Variants in CELF2 observed in about 807,000 individuals in gnomAD.
CELF2 encodes CUG triplet repeat RNA-binding protein 2.
Under a neutral mutation model 62.6 loss-of-function variants are expected in CELF2, and 8 were observed. That is an observed-to-expected ratio of 0.13 (90% CI 0.07 to 0.23). The LOEUF (loss-of-function observed/expected upper bound fraction) is 0.23. Ranked by LOEUF, CELF2 falls within the 10% of genes least tolerant of loss-of-function variation. The probability of loss-of-function intolerance (pLI) is 1.00; values close to 1 mark genes in which losing one functional copy is unlikely to be tolerated. For synonymous variants in CELF2, 258 were observed against 250.0 expected (o/e 1.03, Z -0.30); for missense variants, 333 against 671.0 (o/e 0.50, Z 5.56).
intron 1 of CELF2, among the ~76,000 whole-genome samples, chr10:11,090,128 G>A (rs1387813636): frequency 6.6e-6 from 1 of 150,954 alleles, no homozygotes. Flanking sequence ...TCAGCATCAC[G>A]CAATATACCC....
At chr10:10,801,865 A>G (rs917904921) in intron 1 of CELF2, among the ~76,000 whole-genome samples, 2 of 152,230 alleles carry the variant, frequency 1.3e-5, no homozygotes, top group African/African-American at 4.8e-5. Flanking sequence ...GCAGTGCACA[A>G]TTTCAGGTTA....
intron 2 of CELF2, among the ~76,000 whole-genome samples, chr10:11,000,226 T>C (rs1348518741): frequency 6.6e-6 from 1 of 152,176 alleles, no homozygotes; most frequent in Admixed American, 6.5e-5. Flanking sequence ...GGGAAATGTT[T>C]TCCTTTCTTC....
chr10:10,920,315 T>C (rs1421772401), intron 2 of CELF2, among the ~76,000 whole-genome samples: 1 of 152,220 alleles, frequency 6.6e-6, no homozygotes, highest in East Asian at 1.9e-4. Context: ...TCCTTTATTA[T>C]GTTCACGGGA....
chr10:10,984,685 G>T (rs953437390), intron 2 of CELF2, among the ~76,000 whole-genome samples: 18 of 152,080 alleles, frequency 1.2e-4, no homozygotes, highest in African/African-American at 4.1e-4. Flanking sequence ...GGACATCATG[G>T]TTTCATTACA....
chr10:10,616,269 C>T, the CELF2 span, among the ~76,000 whole-genome samples: 1 of 151,442 alleles, frequency 6.6e-6, no homozygotes, highest in Non-Finnish European at 1.5e-5. Context: ...AATGAAAGCA[C>T]TAGTACTCTC....
At chr10:10,878,467 C>T (rs200788877) in intron 1 of CELF2, among the ~76,000 whole-genome samples, 3 of 152,192 alleles carry the variant, frequency 2.0e-5, no homozygotes, top group Non-Finnish European at 1.5e-5. Flanking sequence ...TGTGCCACGA[C>T]GCAATTGTCT....
rs2062435709 is a variant in CELF2, at chr10:10,894,983, G to A, written c.54-24981G>A. ...ATAATAATATGAGTCCGTATTCATT[G>A]AGAATCAAATGTGCTAGCTACTATA... On this transcript the variant is annotated intron_variant, in intron 1 of 13. Coordinates refer to the CELF2 transcript ENST00000636488. Among the ~76,000 whole-genome samples the A allele has an allele frequency of 2.0e-5, 3 of 152,182 alleles. No homozygotes were observed. The South Asian group carries it at 6.2e-4, about 32-fold the overall frequency.
In CELF2 at chr10:11,244,228, A is replaced by G. The variant is rs1048111393; in HGVS notation, c.355-4925A>G. On this transcript the variant is annotated intron_variant, in intron 3 of 12. Transcript: ENST00000633077. This position sits in a 1 kb window ranked among gnomAD's most constrained non-coding sequence, Gnocchi z 4.2. ...CTGGCTGCCGCCTGTCCTGGCACCT[A>G]GGGAAGATTTCATTCAGGAGTGAGT... Among the ~76,000 whole-genome samples, 36 of 152,268 alleles carry G rather than the reference A, an allele frequency of 2.4e-4. 1 individual carries two copies. The highest frequency in any genetic ancestry group is 1.5e-4 in the Non-Finnish European group (10 of 68,048).
chr10:11,277,839 C>T (rs899283962), intron 8 of CELF2, among the ~76,000 whole-genome samples: 3 of 152,196 alleles, frequency 2.0e-5, no homozygotes, highest in African/African-American at 7.2e-5. Flanking sequence ...GTGATTGATA[C>T]TGTGTCCTAC....
Position 10,885,480 on chromosome 10 carries a change from T to C in CELF2, c.54-34484T>C, listed in dbSNP as rs901636874. 2.0e-5 allele frequency among the ~76,000 whole-genome samples: 3 copies of C among 151,764 alleles called. No individual in the cohort carries two copies. The East Asian group carries it at 5.9e-4, about 30-fold the overall frequency. On this transcript the variant is annotated intron_variant, in intron 1 of 13. Coordinates refer to the CELF2 transcript ENST00000636488. ...GACAAGAATTTATTGTGATGAACTG[T>C]ATAACAAACCTCCTCTGACTTCCTG...
In CELF2 at chr10:11,202,147, A is replaced by G. The variant is rs368296026; in HGVS notation, c.272-15278A>G. Among the ~76,000 whole-genome samples the G allele has an allele frequency of 3.9e-5, 6 of 152,216 alleles. No homozygotes were observed. In the East Asian group the frequency reaches 7.7e-4, roughly 20 times the overall value. On this transcript the variant is annotated intron_variant, in intron 2 of 12. Transcript: ENST00000633077. ...ACTCATTTTGACAGATGGTGATTCTATGGTTTATATCAACTACTTGGAATT... is the reference window on the plus strand; with the variant it reads ...ACTCATTTTGACAGATGGTGATTCTGTGGTTTATATCAACTACTTGGAATT...
chr10:10,503,453 A>G, the CELF2 span, among the ~76,000 whole-genome samples: 2 of 151,768 alleles, frequency 1.3e-5, no homozygotes, highest in African/African-American at 4.8e-5. Flanking sequence ...TGGTAGATTG[A>G]CCTTTTGTCA....
rs375640904 is a variant in CELF2, at chr10:11,048,789, A to G, written c.74+30626A>G. Reference sequence around the variant, plus strand: ...TCTTATTCACTGACTGTAATTACAAATGTAGGTGTATGAATTAGTTGGTTA... The same window carrying G: ...TCTTATTCACTGACTGTAATTACAAGTGTAGGTGTATGAATTAGTTGGTTA... On this transcript the variant is annotated intron_variant, in intron 1 of 12. Coordinates refer to ENST00000633077, the MANE Select transcript of CELF2 (RefSeq NM_001326342.2). Among the ~76,000 whole-genome samples the G allele has an allele frequency of 5.9e-5, 9 of 152,344 alleles. 2 individuals carry two copies. The East Asian group carries it at 1.7e-3, about 29-fold the overall frequency.
At chr10:10,512,933 C>A in the CELF2 span, among the ~76,000 whole-genome samples, 1 of 152,150 alleles carries the variant, frequency 6.6e-6, no homozygotes, top group Non-Finnish European at 1.5e-5. Context: ...TGATTTTAGC[C>A]CACTGCTTTA....
the CELF2 span, among the ~76,000 whole-genome samples, chr10:10,601,415 C>G: frequency 3.3e-5 from 5 of 152,148 alleles, no homozygotes; most frequent in African/African-American, 9.7e-5. Context: ...AGGATTTAAT[C>G]TGGAGATCTA....
At chr10:10,687,657 T>C in the CELF2 span, among the ~76,000 whole-genome samples, 2,464 of 152,338 alleles carry the variant, frequency 0.016, 32 homozygotes, top group African/African-American at 0.038. Flanking sequence ...CCTTTACTAA[T>C]GAGTTTTTCT....
intron 1 of CELF2, among the ~76,000 whole-genome samples, chr10:10,916,453 G>A (rs2064329354): frequency 6.6e-6 from 1 of 152,160 alleles, no homozygotes; most frequent in African/African-American, 2.4e-5. Context: ...TCCCCGGCTG[G>A]GACTTAATAC....
chr10:10,604,747 A>G, the CELF2 span, among the ~76,000 whole-genome samples: 42,924 of 152,106 alleles, frequency 0.28, 6,419 homozygotes, highest in South Asian at 0.51. Context: ...TAATACAAAC[A>G]TTTTGTCCAA....
upstream of CELF2, among the ~76,000 whole-genome samples, chr10:10,797,286 AAT>A (rs965682063): frequency 2.6e-5 from 4 of 152,064 alleles, 1 homozygote; most frequent in South Asian, 4.2e-4. Flanking sequence ...ACTGAATCAC[AAT>A]ATGTTTTCTT....
Sources: allele counts gnomAD v4.1 joint callset (sites outside exome capture counted in the v4.1 genomes callset), GRCh38; gene constraint gnomAD v4.1.1; non-coding constraint Gnocchi (gnomAD v3.1); transcripts MANE v1.5; gene names NCBI Gene and HGNC (gene_info 2026-07-23, HGNC 2026-07-21).